SPRY3: variants seen among roughly 807,000 people sequenced by gnomAD.
SPRY3 encodes the protein protein sprouty homolog 3.
A neutral mutation model predicts 20.2 loss-of-function variants in SPRY3; 15 were observed. That is an observed-to-expected ratio of 0.74 (90% CI 0.50 to 1.14). SPRY3 has a LOEUF of 1.14. Among genes scored for constraint, SPRY3 ranks in the 50% most tolerant of loss-of-function variants. The pLI, the probability that SPRY3 is intolerant of heterozygous loss-of-function variation, is 0.00. For synonymous variants in SPRY3, 143 were observed against 136.5 expected, an observed-to-expected ratio of 1.05 and a Z score of -0.33; for missense variants, 364 against 363.9, an observed-to-expected ratio of 1.00 and a Z score of 0.00.
intron 1 of SPRY3, among the ~76,000 whole-genome samples, chrX:155,622,479 T>C (rs2067874580): frequency 9.0e-6 from 1 of 111,641 alleles, no homozygotes; most frequent in South Asian, 3.7e-4. Flanking sequence ...CTTCATTCTG[T>C]AGTGGAACCC....
chrX:155,663,920 C>A (rs1211890917), intron 2 of SPRY3, among the ~76,000 whole-genome samples: 1 of 111,048 alleles, frequency 9.0e-6, no homozygotes, highest in African/African-American at 3.3e-5. Context: ...ATACAATATG[C>A]AAGAATGGAC....
At chrX:155,641,381 T>G (rs1557351385) in intron 1 of SPRY3, among the ~76,000 whole-genome samples, 1 of 99,977 alleles carries the variant, frequency 1.0e-5, no homozygotes, top group African/African-American at 3.7e-5. Context: ...ATAGTTTTCT[T>G]TTGTGATGTT....
chrX:155,714,398 C>T (rs2124545551), intron 2 of SPRY3, among the ~76,000 whole-genome samples: 1 of 152,142 alleles, frequency 6.6e-6, no homozygotes, highest in South Asian at 2.1e-4. Flanking sequence ...TCCAATAATG[C>T]TTTCACTTTT....
Position 155,717,420 on chromosome X carries a change from G to A in SPRY3, c.-281-50542G>A, listed in dbSNP as rs772813576. ...CTTTTTAAAAATACTTTAAGTTCTGGGATACACGTGCAGAACATGCAGGTT... is the reference window on the plus strand; with the variant it reads ...CTTTTTAAAAATACTTTAAGTTCTGAGATACACGTGCAGAACATGCAGGTT... On this transcript the variant is annotated intron_variant, in intron 2 of 3. Transcript: ENST00000675360. Among the ~76,000 whole-genome samples, 5 of 151,992 alleles carry A rather than the reference G, an allele frequency of 3.3e-5. No homozygotes were observed. In the East Asian group the frequency reaches 9.7e-4, roughly 30 times the overall value.
At chrX:155,684,637 C>A (rs1354001585) in intron 2 of SPRY3, among the ~76,000 whole-genome samples, 1 of 111,701 alleles carries the variant, frequency 9.0e-6, no homozygotes, top group African/African-American at 3.3e-5. Context: ...TGCTTTCAAT[C>A]ATCAAACGTG....
chrX:155,616,403 A>G (rs904081533), intron 1 of SPRY3, among the ~76,000 whole-genome samples: 1 of 110,581 alleles, frequency 9.0e-6, no homozygotes, highest in Non-Finnish European at 1.9e-5. Context: ...GTACAGCTCT[A>G]TGGAAGTCTC....
chrX:155,680,843 A>G (rs1020044195), intron 2 of SPRY3, among the ~76,000 whole-genome samples: 1 of 111,474 alleles, frequency 9.0e-6, no homozygotes, highest in Non-Finnish European at 1.9e-5. Flanking sequence ...CAACCTTTCC[A>G]TTATTATTAT....
chrX:155,670,598 A>G (rs2068037276), intron 2 of SPRY3, among the ~76,000 whole-genome samples: 1 of 112,163 alleles, frequency 8.9e-6, no homozygotes, highest in South Asian at 3.7e-4. Flanking sequence ...TGAAGACATT[A>G]GAGTAGAATG....
chrX:155,687,775 C>T (rs1460175061), intron 2 of SPRY3, among the ~76,000 whole-genome samples: 1 of 112,093 alleles, frequency 8.9e-6, no homozygotes, highest in Non-Finnish European at 1.9e-5. Flanking sequence ...GTAACATGCT[C>T]ATATCTTAAC....
At chrX:155,759,627 C>A (rs1250771816) in intron 2 of SPRY3, among the ~76,000 whole-genome samples, 2 of 152,008 alleles carry the variant, frequency 1.3e-5, no homozygotes, top group Admixed American at 1.3e-4. Context: ...AGCTGTCCCT[C>A]AATATATGTT....
chrX:155,767,760 GGAGGAGGAGGAGAA>G (rs2091349216), intron 2 of SPRY3, 188 bp from the exon 2 acceptor site: 2 of 139,030 alleles, frequency 1.4e-5, no homozygotes, highest in Non-Finnish European at 3.0e-5. Flanking sequence ...AGGAGAGAGA[GGAGGAGGAGGAGAA>G]AGAGGAGGAG....
intron 2 of SPRY3, among the ~76,000 whole-genome samples, chrX:155,710,752 A>G (rs2090980725): frequency 6.6e-6 from 1 of 151,782 alleles, no homozygotes; most frequent in African/African-American, 2.4e-5. Flanking sequence ...TCTTAGAGGA[A>G]AAGCTTTCAA....
intron 2 of SPRY3, among the ~76,000 whole-genome samples, chrX:155,748,266 T>A (rs1713161626): frequency 6.6e-6 from 1 of 151,856 alleles, no homozygotes; most frequent in African/African-American, 2.4e-5. Flanking sequence ...ATGAAAACAA[T>A]TGCCATTTAT....
downstream of SPRY3, chrX:155,781,350 T>C (rs77442791): frequency 0.24 from 40,359 of 166,894 alleles, 5,113 homozygotes; most frequent in African/African-American, 0.3. Context: ...CACAGTACCC[T>C]GAGACCAATT....
intron 2 of SPRY3, among the ~76,000 whole-genome samples, chrX:155,716,547 A>C (rs1401389250): frequency 6.6e-6 from 1 of 151,514 alleles, no homozygotes; most frequent in Non-Finnish European, 1.5e-5. Context: ...AATATATTTC[A>C]TCAACTTAAT....
intron 2 of SPRY3, among the ~76,000 whole-genome samples, chrX:155,741,076 C>T (rs949951938): frequency 5.9e-5 from 9 of 152,074 alleles, no homozygotes; most frequent in Non-Finnish European, 1.0e-4. Context: ...CATGTTTTAA[C>T]CCAATGCAAA....
chrX:155,712,273 A>G lies in SPRY3; in HGVS notation c.-282+55248A>G, dbSNP rs181132283. Among the ~76,000 whole-genome samples, 231 of 152,080 alleles carry G rather than the reference A, an allele frequency of 1.5e-3. 3 individuals are homozygous for G. The highest frequency in any genetic ancestry group is 0.012 in the Admixed American group (188 of 15,272). Reference sequence around the variant, plus strand: ...ATTTTCTGTCTGGGAGATTTGTCCAATGCTTAAAGTGGGGTATTGAAGCCT... The same window carrying G: ...ATTTTCTGTCTGGGAGATTTGTCCAGTGCTTAAAGTGGGGTATTGAAGCCT... On this transcript the variant is annotated intron_variant, in intron 2 of 3. Coordinates refer to ENST00000675360, the Ensembl canonical transcript of SPRY3.
chrX:155,777,948 T>C (rs1234718967), downstream of SPRY3: 1 of 166,858 alleles, frequency 6.0e-6, no homozygotes, highest in Non-Finnish European at 1.5e-5. Context: ...ATAATAAATA[T>C]AGTGAATACT....
At chrX:155,658,735 G>A (rs1264109859) in intron 2 of SPRY3, among the ~76,000 whole-genome samples, 3 of 111,714 alleles carry the variant, frequency 2.7e-5, no homozygotes, top group African/African-American at 9.8e-5. Context: ...ATAGGGAGTG[G>A]TAAAAATGGG....
Sources: allele counts gnomAD v4.1 joint callset (sites outside exome capture counted in the v4.1 genomes callset), GRCh38; gene constraint gnomAD v4.1.1; transcripts MANE v1.5; gene names NCBI Gene and HGNC (gene_info 2026-07-23, HGNC 2026-07-21).